Variants in TUT4 observed in about 807,000 individuals in gnomAD.
TUT4 encodes the protein terminal uridylyltransferase 4.
In TUT4, 36 loss-of-function variants were observed where a neutral mutation model predicts 192.2. The ratio of observed to expected loss-of-function variants is 0.19; its 90% CI spans 0.14 to 0.25. The LOEUF (loss-of-function observed/expected upper bound fraction) is 0.25, where lower values mean the gene tolerates loss of function less well. Ranked by LOEUF, TUT4 falls within the 10% of genes least tolerant of loss-of-function variation. TUT4 has a pLI of 1.00. For synonymous variants in TUT4, 618 were observed against 666.0 expected (o/e 0.93, Z 1.11); for missense variants, 1,493 against 1,957.2 (o/e 0.76, Z 4.47).
At chr1:52,470,424 CTAAG>C (rs1206469821) in intron 14 of TUT4, among the ~76,000 whole-genome samples, 3 of 151,990 alleles carry the variant, frequency 2.0e-5, no homozygotes, top group Admixed American at 1.3e-4. Context: ...CCCAGCCATT[CTAAG>C]TATTTAGTCA....
chr1:52,515,865 C>A, intron 3 of TUT4, 26 bp downstream of exon 3: 10 of 1,613,506 alleles, frequency 6.2e-6, no homozygotes, highest in Non-Finnish European at 6.8e-6. Flanking sequence ...CATTTCCCCC[C>A]AAATAACTAA....
intron 13 of TUT4, among the ~76,000 whole-genome samples, chr1:52,474,590 T>C (rs1330349949): frequency 6.6e-6 from 1 of 152,188 alleles, no homozygotes; most frequent in East Asian, 1.9e-4. Flanking sequence ...AGATGAATCC[T>C]TTCATATATG....
intron 1 of TUT4, among the ~76,000 whole-genome samples, chr1:52,531,783 C>T (rs1683484491): frequency 6.6e-6 from 1 of 151,850 alleles, no homozygotes; most frequent in African/African-American, 2.4e-5. Context: ...ATAAGTATGC[C>T]TCTTCTTAAT....
rs758242401 is a variant in TUT4 at position 52,446,455 on chromosome 1, A to AT, written c.3514-14_3514-13insA. 16 of 1,577,556 alleles carry AT rather than the reference A, an allele frequency of 1.0e-5. No homozygotes were observed. In the South Asian group the frequency reaches 1.9e-4, roughly 19 times the overall value. The stretch of plus-strand genomic sequence containing the variant: ...GTAAACGCTTTTTCTACATATAAAA[A>AT]AAAAAAGAAAAGAACAATGTCTATA... On this transcript the variant is annotated splice_polypyrimidine_tract_variant and intron_variant, in intron 21 of 29. Transcript: ENST00000257177.
At chr1:52,503,228 T>C (rs1420214071) in intron 4 of TUT4, among the ~76,000 whole-genome samples, 1 of 152,164 alleles carries the variant, frequency 6.6e-6, no homozygotes, top group Non-Finnish European at 1.5e-5. Flanking sequence ...ATGGAACAAC[T>C]ATATGCCAGG....
chr1:52,459,843 C>T (rs1160125883), intron 19 of TUT4, among the ~76,000 whole-genome samples: 4 of 151,982 alleles, frequency 2.6e-5, no homozygotes, highest in Non-Finnish European at 4.4e-5. Context: ...GATTGTGCCA[C>T]TGCACGCCAG....
intron 9 of TUT4, among the ~76,000 whole-genome samples, chr1:52,482,421 A>G (rs1246753645): frequency 6.6e-6 from 1 of 152,278 alleles, no homozygotes; most frequent in African/African-American, 2.4e-5. Flanking sequence ...AGTCCCTTTA[A>G]GTCAGTTAGC....
chr1:52,548,037 A>G (rs1688519560), intron 1 of TUT4, among the ~76,000 whole-genome samples: 1 of 152,180 alleles, frequency 6.6e-6, no homozygotes, highest in Non-Finnish European at 1.5e-5. Flanking sequence ...GGAAAAAAAT[A>G]CACTATTACA....
intron 16 of TUT4, among the ~76,000 whole-genome samples, chr1:52,464,126 C>T (rs1663396237): frequency 6.6e-6 from 1 of 152,150 alleles, no homozygotes; most frequent in African/African-American, 2.4e-5. Flanking sequence ...TAATACCTAC[C>T]TCGAAGGTGG....
At chr1:52,424,224 T>A in intron 29 of TUT4, 1 of 514,382 alleles carries the variant, frequency 1.9e-6, no homozygotes, top group Middle Eastern at 5.4e-4. Flanking sequence ...AGAGGAGGAA[T>A]CAAAGGGAAA....
intron 20 of TUT4, among the ~76,000 whole-genome samples, chr1:52,454,551 C>T (rs1411063358): frequency 6.6e-6 from 1 of 152,166 alleles, no homozygotes; most frequent in African/African-American, 2.4e-5. Flanking sequence ...TAGGCATAGA[C>T]CTTATACCGT....
chr1:52,471,846 C>A, intron 14 of TUT4, 106 bp downstream of exon 14: 1 of 1,252,402 alleles, frequency 8.0e-7, no homozygotes, highest in South Asian at 1.6e-5. Flanking sequence ...TATTCAAAAA[C>A]CTCTAGCAAA....
chr1:52,449,961 T>G (rs1054496097), intron 20 of TUT4, among the ~76,000 whole-genome samples: 4 of 152,186 alleles, frequency 2.6e-5, no homozygotes, highest in Admixed American at 6.5e-5. Flanking sequence ...TAAGCTGATA[T>G]GGGTTAAAAA....
chr1:52,442,778 C>G (rs913241741), intron 24 of TUT4, among the ~76,000 whole-genome samples: 1 of 152,122 alleles, frequency 6.6e-6, no homozygotes. Context: ...ATACTACATA[C>G]TGACTTTTGA....
At chr1:52,531,940 A>G (rs12057855) in intron 1 of TUT4, among the ~76,000 whole-genome samples, 48,915 of 137,618 alleles carry the variant, frequency 0.36, 11,745 homozygotes, top group African/African-American at 0.71. Context: ...TCTGCTGCCA[A>G]GCTGGAGTGC....
intron 12 of TUT4, 55 bp downstream of exon 12, chr1:52,477,653 T>C: frequency 6.7e-7 from 1 of 1,493,882 alleles, no homozygotes; most frequent in African/African-American, 1.4e-5. Context: ...CTGAATTAGA[T>C]AATGAGTAGC....
intron 14 of TUT4, 118 bp downstream of exon 14, chr1:52,471,834 T>C: frequency 9.6e-7 from 1 of 1,041,952 alleles, no homozygotes; most frequent in Non-Finnish European, 1.4e-6. Flanking sequence ...TGCTTGGGTA[T>C]CTATTCAAAA....
chr1:52,498,902 TTATATATATATATATATA>T (rs60991652), intron 4 of TUT4, among the ~76,000 whole-genome samples: 1,163 of 23,280 alleles, frequency 0.05, 231 homozygotes, highest in East Asian at 0.11. Context: ...AAAAAAAAAA[TTATATATATATATATATA>T]TATATATATA....
chr1:52,461,654 T>A, intron 17 of TUT4, 38 bp from the exon 18 acceptor site: 1 of 1,562,608 alleles, frequency 6.4e-7, no homozygotes, highest in Non-Finnish European at 8.7e-7. Context: ...GGTTAAATAA[T>A]TTTCATATAT....
Sources: allele counts gnomAD v4.1 joint callset (sites outside exome capture counted in the v4.1 genomes callset), GRCh38; gene constraint gnomAD v4.1.1; transcripts MANE v1.5; gene names NCBI Gene and HGNC (gene_info 2026-07-23, HGNC 2026-07-21).